Variants in CPEB2 observed in about 807,000 individuals in gnomAD.
The protein encoded by CPEB2 is cytoplasmic polyadenylation element-binding protein 2.
CPEB2 carries 56 observed loss-of-function variants against 93.6 expected under a neutral mutation model. The observed-to-expected ratio is 0.60, with a 90% CI of 0.48 to 0.75. The LOEUF (loss-of-function observed/expected upper bound fraction) is 0.75, where lower values mean the gene tolerates loss of function less well. CPEB2 is among the 30% of genes least tolerant of loss of function. CPEB2 has a pLI of 0.00. For synonymous variants in CPEB2, 764 were observed against 586.3 expected (o/e 1.30, Z -4.38); for missense variants, 1,579 against 1,395.1 (o/e 1.13, Z -2.10).
chr4:15,065,952 G>A (rs1191152367), intron 11 of CPEB2, among the ~76,000 whole-genome samples: 2 of 152,052 alleles, frequency 1.3e-5, no homozygotes, highest in Non-Finnish European at 2.9e-5. Context: ...AGGTGAGAGT[G>A]GAATGTTTTG....
At position 15,007,485 on chromosome 4, in the gene CPEB2, C is replaced by T; in HGVS notation, c.1843C>T (p.Pro615Ser). The T allele has an allele frequency of 6.2e-7, 1 of 1,614,136 alleles. No homozygotes were observed. The highest frequency in any genetic ancestry group is 8.5e-7 in the Non-Finnish European group (1 of 1,180,008). ...GTTTTCTGGTAATGTCATAGCACCACCGAAATTTACTCGCTCAACTCCATC... is the reference window on the plus strand; with the variant it reads ...GTTTTCTGGTAATGTCATAGCACCATCGAAATTTACTCGCTCAACTCCATC... Reference protein sequence around the residue: ...KPFSGNVIAPPKFTRSTPSLT... With the variant: ...KPFSGNVIAPSKFTRSTPSLT... The change falls in exon 2 of 12, where the codon CCG (proline) becomes TCG (serine). Residue 615 changes from proline to serine, a missense_variant. Transcript: ENST00000538197.
intron 4 of CPEB2, among the ~76,000 whole-genome samples, chr4:15,020,411 G>A (rs1724677061): frequency 6.6e-6 from 1 of 152,072 alleles, no homozygotes; most frequent in South Asian, 2.1e-4. Flanking sequence ...AAGCAGTCAA[G>A]CAGATAGATC....
intron 4 of CPEB2, among the ~76,000 whole-genome samples, chr4:15,029,611 C>T (rs1194271722): frequency 6.6e-6 from 1 of 151,988 alleles, no homozygotes; most frequent in Non-Finnish European, 1.5e-5. Flanking sequence ...AGGTTTATTA[C>T]TAGATGACTT....
At chr4:15,027,683 G>C (rs1178917998) in intron 4 of CPEB2, among the ~76,000 whole-genome samples, 2 of 152,122 alleles carry the variant, frequency 1.3e-5, no homozygotes, top group East Asian at 3.8e-4. Flanking sequence ...TTTATTTAAA[G>C]CACTTAATTA....
chr4:15,019,448 A>G lies in CPEB2; in HGVS notation c.2125+2170A>G, dbSNP rs147486866. Among the ~76,000 whole-genome samples, 587 of 152,060 alleles carry G rather than the reference A, an allele frequency of 3.9e-3. 16 individuals are homozygous for G. The highest frequency in any genetic ancestry group is 0.023 in the Admixed American group (348 of 15,240). ...GCTAGACCTCAGTAGAATCTTCTAA[A>G]TCAAGGTGGTAGCAAATGGAATAAA... is the stretch of plus-strand genomic sequence containing the variant. On this transcript the variant is annotated intron_variant, in intron 4 of 11. Coordinates refer to ENST00000538197, the MANE Select transcript of CPEB2 (RefSeq NM_001177382.2).
intron 4 of CPEB2, among the ~76,000 whole-genome samples, chr4:15,019,922 T>C (rs750675968): frequency 2.6e-5 from 4 of 152,082 alleles, no homozygotes; most frequent in Non-Finnish European, 4.4e-5. Flanking sequence ...GCAGTTTAGC[T>C]GGTTACTTCT....
intron 4 of CPEB2, among the ~76,000 whole-genome samples, chr4:15,028,661 G>T (rs1403242495): frequency 6.6e-6 from 1 of 151,954 alleles, no homozygotes; most frequent in African/African-American, 2.4e-5. Context: ...AGGATAGTCT[G>T]TCATGCTATC....
intron 4 of CPEB2, among the ~76,000 whole-genome samples, chr4:15,030,336 G>T (rs993361920): frequency 1.2e-4 from 19 of 152,016 alleles, no homozygotes; most frequent in African/African-American, 4.6e-4. Flanking sequence ...CTTAGGTTCA[G>T]GTTCTGCCAG....
chr4:15,009,291 GA>G (rs1560215140), intron 3 of CPEB2, among the ~76,000 whole-genome samples: 2 of 152,164 alleles, frequency 1.3e-5, no homozygotes, highest in African/African-American at 4.8e-5. Flanking sequence ...GACATAAACA[GA>G]TTAATAATAC....
At chr4:15,058,934 C>A (rs76196848) in intron 9 of CPEB2, among the ~76,000 whole-genome samples, 4,078 of 152,202 alleles carry the variant, frequency 0.027, 89 homozygotes, top group South Asian at 0.14. Context: ...ACTTTGATCT[C>A]GAAACCATCC....
intron 10 of CPEB2, among the ~76,000 whole-genome samples, chr4:15,059,797 TA>T (rs1729028412): frequency 6.6e-6 from 1 of 152,130 alleles, no homozygotes; most frequent in Non-Finnish European, 1.5e-5. Flanking sequence ...AATATAATTG[TA>T]GATGTATATG....
chr4:15,003,096 A>G lies in CPEB2; in HGVS notation c.423A>G (p.Lys141=). The G allele has an allele frequency of 2.0e-6, 3 of 1,530,666 alleles. No individual in the cohort carries two copies. The highest frequency in any genetic ancestry group is 1.7e-6 in the Non-Finnish European group (2 of 1,145,168). The allele number at this position is 1,530,666 out of a possible 1,614,324, so 94.8% of individuals were successfully genotyped here. A position where few individuals can be genotyped will look rare whatever the true frequency, so the allele number is the denominator to read the frequency against. Residue 141 remains lysine, a synonymous_variant, in exon 1 of 12, where the codon AAA becomes AAG. Coordinates refer to ENST00000538197, the MANE Select transcript of CPEB2 (RefSeq NM_001177382.2). ...VTHLLPSQDF[K]PSLHHPSSSS... ...ACCTCCTCCCCTCCCAGGACTTCAA[A>G]CCGAGTCTGCACCACCCCTCCTCCT...
chr4:15,013,791 C>T (rs1723783715), intron 3 of CPEB2, among the ~76,000 whole-genome samples: 2 of 152,026 alleles, frequency 1.3e-5, no homozygotes, highest in Non-Finnish European at 2.9e-5. Flanking sequence ...GCAGCTGATG[C>T]TTTACAAAGT....
At chr4:15,040,663 T>G (rs1179464514) in intron 6 of CPEB2, among the ~76,000 whole-genome samples, 176 bp downstream of exon 6, 1 of 152,202 alleles carries the variant, frequency 6.6e-6, no homozygotes, top group African/African-American at 2.4e-5. Context: ...GAACTGTATT[T>G]TTATACTAAT....
intron 6 of CPEB2, among the ~76,000 whole-genome samples, chr4:15,044,178 C>T (rs1047325207): frequency 6.6e-6 from 1 of 152,136 alleles, no homozygotes; most frequent in African/African-American, 2.4e-5. Flanking sequence ...AACCATGGCC[C>T]GCAGGCCAAG....
intron 6 of CPEB2, among the ~76,000 whole-genome samples, chr4:15,046,005 TGATA>T (rs1281571135): frequency 4.6e-5 from 7 of 152,342 alleles, no homozygotes; most frequent in African/African-American, 1.4e-4. Flanking sequence ...ATTTTCCTAT[TGATA>T]GATGTTTGAG....
At position 15,003,221 on chromosome 4, in the gene CPEB2, G is replaced by A. The variant is rs754176091; in HGVS notation, c.548G>A (p.Ser183Asn). The A allele has an allele frequency of 1.3e-4, 199 of 1,531,094 alleles. No homozygotes were observed. The highest frequency in any genetic ancestry group is 1.6e-4 in the Non-Finnish European group (188 of 1,145,404). The allele number at this position is 1,531,094 out of a possible 1,614,324, so 94.8% of individuals were successfully genotyped here. Residue 183 changes from serine (S) to asparagine (N), a missense_variant, in exon 1 of 12, where the codon AGC becomes AAC. Physicochemically the swap from Ser to Asn is conservative, Grantham distance 46 (BLOSUM62 1). Transcript: ENST00000538197. ...QLSSQKRKEF[S>N]PPHLPHPPDS... ...AGCAGCCAGAAGAGGAAAGAGTTCA[G>A]CCCTCCCCACCTTCCCCACCCTCCG...
chr4:15,039,254 A>G (rs1296181938), intron 5 of CPEB2, among the ~76,000 whole-genome samples: 2 of 152,202 alleles, frequency 1.3e-5, no homozygotes, highest in Non-Finnish European at 2.9e-5. Context: ...AATGACTGAG[A>G]GTTGACAAGT....
At chr4:15,011,203 C>T (rs1187875585) in intron 3 of CPEB2, among the ~76,000 whole-genome samples, 1 of 149,872 alleles carries the variant, frequency 6.7e-6, no homozygotes, top group Non-Finnish European at 1.5e-5. Flanking sequence ...CGGGTTCAAG[C>T]GATTCTCATG....
Sources: allele counts gnomAD v4.1 joint callset (sites outside exome capture counted in the v4.1 genomes callset), GRCh38; gene constraint gnomAD v4.1.1; transcripts MANE v1.5; gene names NCBI Gene and HGNC (gene_info 2026-07-23, HGNC 2026-07-21).